Variants in MED12L observed in about 807,000 individuals in gnomAD.
The protein encoded by MED12L is mediator complex subunit 12L.
A neutral mutation model predicts 281.3 loss-of-function variants in MED12L; 60 were observed. The ratio of observed to expected loss-of-function variants is 0.21; its 90% CI spans 0.17 to 0.26. MED12L has a LOEUF of 0.26. Ranked by LOEUF, MED12L falls within the 10% of genes least tolerant of loss-of-function variation. The probability of loss-of-function intolerance (pLI) is 1.00; values close to 1 mark genes in which losing one functional copy is unlikely to be tolerated. For synonymous variants in MED12L, 974 were observed against 987.2 expected, an observed-to-expected ratio of 0.99 and a Z score of 0.25; for missense variants, 2,146 against 2,680.9, an observed-to-expected ratio of 0.80 and a Z score of 4.41.
At chr3:151,324,355 C>CA (rs1425266596) in intron 16 of MED12L, among the ~76,000 whole-genome samples, 2 of 152,074 alleles carry the variant, frequency 1.3e-5, no homozygotes, top group African/African-American at 4.8e-5. Context: ...AGCATCTGGG[C>CA]TGGTTACTAC....
intron 16 of MED12L, among the ~76,000 whole-genome samples, chr3:151,298,035 A>G (rs558091872): frequency 4.3e-4 from 66 of 152,316 alleles, no homozygotes; most frequent in African/African-American, 1.5e-3. Context: ...CAGATGAGCC[A>G]TTACTCATCT....
chr3:151,409,046 C>G (rs3732769), intron 39 of MED12L, among the ~76,000 whole-genome samples, 197 bp from the exon 40 acceptor site: 44,565 of 152,076 alleles, frequency 0.29, 7,502 homozygotes, highest in African/African-American at 0.46. Flanking sequence ...AATCTGTAGT[C>G]TTCTTTGGAA....
intron 16 of MED12L, among the ~76,000 whole-genome samples, chr3:151,243,509 C>T (rs1028574534): frequency 7.2e-5 from 11 of 152,114 alleles, no homozygotes; most frequent in African/African-American, 2.2e-4. Context: ...TCATATCCAG[C>T]GAAACTAAGC....
chr3:151,093,412 C>T (rs1237320794), intron 2 of MED12L, among the ~76,000 whole-genome samples: 5 of 152,192 alleles, frequency 3.3e-5, no homozygotes, highest in South Asian at 2.1e-4. Flanking sequence ...TAGGTGATTC[C>T]GAAACATGTC....
intron 21 of MED12L, among the ~76,000 whole-genome samples, chr3:151,364,470 T>C (rs1051509337): frequency 3.3e-5 from 5 of 152,204 alleles, no homozygotes; most frequent in African/African-American, 9.7e-5. Flanking sequence ...AGACAAGGAA[T>C]GTGCCTCTCT....
intron 16 of MED12L, among the ~76,000 whole-genome samples, chr3:151,268,407 C>T (rs777906462): frequency 9.2e-5 from 14 of 152,158 alleles, no homozygotes; most frequent in Admixed American, 2.0e-4. Flanking sequence ...TACTGCTCTC[C>T]ATTTTCTGTG....
chr3:151,329,576 A>T, intron 16 of MED12L: 2 of 1,363,892 alleles, frequency 1.5e-6, no homozygotes, highest in Non-Finnish European at 1.0e-6. Flanking sequence ...CTGCTTTCTT[A>T]TAGTGGATTT....
At position 151,165,436 on chromosome 3, in the gene MED12L, A is replaced by G; in HGVS notation, c.1274A>G (p.Tyr425Cys). ...ATCTTTCAGGTTCGGGCAAGGATTT[A>G]TGAAGTAGAACAACAGATAAAACAA... ...AFNQQVRARI[Y>C]EVEQQIKQRG... The change falls in exon 10 of 45, where the codon TAT (tyrosine) becomes TGT (cysteine). Residue 425 changes from tyrosine (Y) to cysteine (C), a missense_variant. Tyr to Cys is a radical substitution (Grantham distance 194). Transcript: ENST00000687756. 1 of 1,613,946 alleles carries G rather than the reference A, an allele frequency of 6.2e-7. No individual in the cohort carries two copies. The highest frequency in any genetic ancestry group is 1.3e-5 in the African/African-American group (1 of 75,052).
chr3:151,297,384 G>C (rs1745240698), intron 16 of MED12L, among the ~76,000 whole-genome samples: 1 of 152,084 alleles, frequency 6.6e-6, no homozygotes, highest in Admixed American at 6.6e-5. Context: ...TAAATGATTA[G>C]CAGTCACTTT....
intron 4 of MED12L, 42 bp downstream of exon 4, chr3:151,123,016 A>G (rs772771015): frequency 1.4e-6 from 2 of 1,455,238 alleles, no homozygotes; most frequent in Non-Finnish European, 1.9e-6. Flanking sequence ...TGGTCTTATA[A>G]TCAGCTGTTT....
chr3:151,167,942 T>G (rs1190996006), intron 11 of MED12L, among the ~76,000 whole-genome samples: 1 of 152,192 alleles, frequency 6.6e-6, no homozygotes, highest in Non-Finnish European at 1.5e-5. Context: ...AAAGCTACAT[T>G]GTTTCCTGGT....
chr3:151,396,768 A>T (rs1715033626), intron 39 of MED12L, among the ~76,000 whole-genome samples: 1 of 152,230 alleles, frequency 6.6e-6, no homozygotes. Flanking sequence ...ATTAACTTTG[A>T]AGTACTTGTT....
intron 16 of MED12L, among the ~76,000 whole-genome samples, chr3:151,332,657 T>C (rs186954175): frequency 6.6e-6 from 1 of 152,294 alleles, no homozygotes; most frequent in Non-Finnish European, 1.5e-5. Flanking sequence ...TACATACCAA[T>C]ATATGTGTAC....
At chr3:151,246,191 C>T (rs927816805) in intron 16 of MED12L, among the ~76,000 whole-genome samples, 65 of 152,282 alleles carry the variant, frequency 4.3e-4, no homozygotes, top group African/African-American at 1.5e-3. Context: ...AATGGCCATA[C>T]TGCTCAAGGT....
intron 16 of MED12L, among the ~76,000 whole-genome samples, chr3:151,210,827 CAG>C (rs1474548332): frequency 6.6e-6 from 1 of 152,224 alleles, no homozygotes; most frequent in Non-Finnish European, 1.5e-5. Context: ...CCTCTCTTGG[CAG>C]AGACTCTGAG....
chr3:151,086,662 C>T (rs1412917159), intron 1 of MED12L, 136 bp from the exon 2 acceptor site: 1 of 341,964 alleles, frequency 2.9e-6, no homozygotes, highest in Non-Finnish European at 5.3e-6. Context: ...CCTCTAGTCC[C>T]TCCGCCGCCG....
chr3:151,424,751 C>T (rs1321066864), intron 43 of MED12L, among the ~76,000 whole-genome samples: 1 of 152,138 alleles, frequency 6.6e-6, no homozygotes, highest in Non-Finnish European at 1.5e-5. Flanking sequence ...GAGAGTGTGC[C>T]GCCCTGTGAG....
chr3:151,221,268 A>G (rs1461223505), intron 16 of MED12L, among the ~76,000 whole-genome samples: 15 of 152,380 alleles, frequency 9.8e-5, no homozygotes, highest in African/African-American at 3.1e-4. Flanking sequence ...AGAGCTTAAA[A>G]GTTCAGAAAA....
At chr3:151,304,654 G>A (rs1236246809) in intron 16 of MED12L, among the ~76,000 whole-genome samples, 2 of 151,846 alleles carry the variant, frequency 1.3e-5, no homozygotes, top group Non-Finnish European at 2.9e-5. Flanking sequence ...CCGTGGTGGA[G>A]TGTATAGAGC....
Sources: gnomAD v4.1 joint callset for allele counts (sites outside exome capture counted in the v4.1 genomes callset) on GRCh38, gnomAD v4.1.1 for gene constraint, MANE v1.5 for transcripts, NCBI Gene and HGNC (gene_info 2026-07-23, HGNC 2026-07-21) for gene names.